Variants in PDE1C observed in about 807,000 individuals in gnomAD.
PDE1C encodes phosphodiesterase 1C, also known as dual specificity calcium/calmodulin-dependent 3',5'-cyclic nucleotide phosphodiesterase 1C.
In PDE1C, 62 loss-of-function variants were observed where a neutral mutation model predicts 93.1. That is an observed-to-expected ratio of 0.67 (90% confidence interval 0.54 to 0.82). The LOEUF (loss-of-function observed/expected upper bound fraction) is 0.82. Ranked by LOEUF, PDE1C falls within the 40% of genes least tolerant of loss-of-function variation. PDE1C has a pLI of 0.00. For synonymous variants in PDE1C, 325 were observed against 310.1 expected (o/e 1.05, Z -0.50); for missense variants, 742 against 884.6 (o/e 0.84, Z 2.04).
intron 16 of PDE1C, among the ~76,000 whole-genome samples, chr7:31,796,406 C>T (rs1321892044): frequency 2.0e-5 from 3 of 151,588 alleles, no homozygotes; most frequent in Non-Finnish European, 3.0e-5. Context: ...ATGGTAGTCA[C>T]CTGCCATCTT....
chr7:32,021,997 T>G (rs1319752978), intron 2 of PDE1C, among the ~76,000 whole-genome samples: 1 of 152,140 alleles, frequency 6.6e-6, no homozygotes, highest in Non-Finnish European at 1.5e-5. Flanking sequence ...ATCAGGAATT[T>G]TTTTTAATTC....
intron 3 of PDE1C, among the ~76,000 whole-genome samples, chr7:32,080,969 T>C (rs186773394): frequency 2.6e-4 from 40 of 152,294 alleles, no homozygotes; most frequent in Admixed American, 6.5e-4. Context: ...CTGGCTTCTA[T>C]GAGCAGGGAG....
At chr7:31,755,008 G>A (rs1034480747) in intron 17 of PDE1C, among the ~76,000 whole-genome samples, 1 of 152,208 alleles carries the variant, frequency 6.6e-6, no homozygotes, top group Non-Finnish European at 1.5e-5. Context: ...GGACAAGACG[G>A]TCATCGAAGT....
chr7:31,832,628 A>C (rs1013527152), intron 11 of PDE1C, among the ~76,000 whole-genome samples: 1 of 152,230 alleles, frequency 6.6e-6, no homozygotes, highest in Non-Finnish European at 1.5e-5. Context: ...TACTTACTAT[A>C]GCTTATGGCA....
At chr7:32,168,952 C>T (rs1471173708) in intron 3 of PDE1C, among the ~76,000 whole-genome samples, 1 of 152,070 alleles carries the variant, frequency 6.6e-6, no homozygotes, top group Admixed American at 6.6e-5. Context: ...ATATGTTCTG[C>T]TAACCATGTG....
In PDE1C at chr7:31,753,369, C is replaced by T. The variant is rs1172300442; in HGVS notation, c.*15G>A. ...AGGTAGACCCTCCTTCACTCCCTCT[C>T]TTCTTCCCCTCGGCCTATTTTCTGT... is the stretch of plus-strand genomic sequence containing the variant. On this transcript the variant is annotated 3_prime_UTR_variant, in exon 18 of 18. Coordinates refer to ENST00000396191, the MANE Select transcript of PDE1C (RefSeq NM_001191057.4). 6.2e-7 allele frequency: 1 copy of T among 1,607,986 alleles called. No homozygotes were observed. Among genetic ancestry groups the T allele is most frequent in the Admixed American group, 1.7e-5 (1 of 59,770 alleles).
the PDE1C span, among the ~76,000 whole-genome samples, chr7:31,738,646 C>T: frequency 5.9e-5 from 9 of 152,164 alleles, no homozygotes. Flanking sequence ...GCATAATTCC[C>T]ATAGCACCAA....
At chr7:32,045,056 C>G (rs1210063808) in intron 2 of PDE1C, among the ~76,000 whole-genome samples, 8 of 138,968 alleles carry the variant, frequency 5.8e-5, no homozygotes, top group Admixed American at 3.6e-4. Flanking sequence ...GCCCTGCCCC[C>G]CTCCCACCCC....
the PDE1C span, among the ~76,000 whole-genome samples, chr7:31,728,089 T>C: frequency 1.3e-5 from 2 of 152,086 alleles, no homozygotes; most frequent in Non-Finnish European, 2.9e-5. Context: ...TTAAGGTTGA[T>C]TTATAGTCAC....
rs1183184434 is a variant in PDE1C at position 32,016,435 on chromosome 7, C to A, written c.128+35119G>T. ...AAATAAGTAGAAACTTCCTAGAGAA[C>A]AATTTTTCAAAATGCATTAAAAACT... On this transcript the variant is annotated intron_variant, in intron 2 of 17. Transcript: ENST00000396191. Among the ~76,000 whole-genome samples, 4 of 152,146 alleles carry A rather than the reference C, an allele frequency of 2.6e-5. No homozygotes were observed. In the South Asian group the frequency reaches 8.3e-4, roughly 32 times the overall value.
rs538381491 is a variant in PDE1C at position 32,023,261 on chromosome 7, A to G, written c.128+28293T>C. On this transcript the variant is annotated intron_variant, in intron 2 of 17. Coordinates refer to ENST00000396191, the MANE Select transcript of PDE1C (RefSeq NM_001191057.4). ...GTGAAGGCTTTAACATACAGCTTGC[A>G]ATGGTTGAAATCTCTTATGACCCAT... Among the ~76,000 whole-genome samples, 4 of 152,252 alleles carry G rather than the reference A, an allele frequency of 2.6e-5. No individual in the cohort carries two copies. The East Asian group carries it at 7.7e-4, about 29-fold the overall frequency.
At chr7:31,686,789 T>C in the PDE1C span, 1 of 152,172 alleles carries the variant, frequency 6.6e-6, no homozygotes, top group Non-Finnish European at 1.5e-5. Context: ...TAGCAGTAGC[T>C]ACCCTTCTCT....
At chr7:31,799,468 C>T (rs1785718438) in intron 16 of PDE1C, among the ~76,000 whole-genome samples, 1 of 151,650 alleles carries the variant, frequency 6.6e-6, no homozygotes, top group African/African-American at 2.4e-5. Flanking sequence ...TCAAATAGAA[C>T]AAAAGATGCC....
intron 7 of PDE1C, among the ~76,000 whole-genome samples, chr7:31,855,046 G>T (rs997638234): frequency 7.2e-6 from 1 of 139,032 alleles, no homozygotes; most frequent in Admixed American, 7.4e-5. Flanking sequence ...CAGCCTGGGT[G>T]ACAGAGCGAG....
chr7:32,290,400 T>G (rs1370019018), intron 1 of PDE1C, among the ~76,000 whole-genome samples: 3 of 152,140 alleles, frequency 2.0e-5, no homozygotes, highest in Non-Finnish European at 4.4e-5. Flanking sequence ...CACCCTGATT[T>G]CAGAATCCCT....
At chr7:32,170,989 A>C (rs1407459285) in intron 2 of PDE1C, among the ~76,000 whole-genome samples, 2 of 152,122 alleles carry the variant, frequency 1.3e-5, no homozygotes, top group African/African-American at 4.8e-5. Context: ...CAAACTAGCC[A>C]GTCCCAACCC....
intron 2 of PDE1C, among the ~76,000 whole-genome samples, chr7:32,029,045 A>C (rs1239857918): frequency 1.3e-5 from 2 of 152,124 alleles, no homozygotes; most frequent in Non-Finnish European, 2.9e-5. Context: ...ATTCAATAGC[A>C]AAAAAACAAA....
intron 3 of PDE1C, among the ~76,000 whole-genome samples, chr7:32,080,487 G>T (rs1796598031): frequency 6.6e-6 from 1 of 152,168 alleles, no homozygotes; most frequent in Non-Finnish European, 1.5e-5. Flanking sequence ...AAGATGTGGA[G>T]CTACTCAGGG....
chr7:31,763,016 C>T (rs1424746924), intron 17 of PDE1C, among the ~76,000 whole-genome samples: 1 of 152,140 alleles, frequency 6.6e-6, no homozygotes, highest in Admixed American at 6.5e-5. Flanking sequence ...TACTGATGCC[C>T]AAGCCTTACC....
Sources: allele counts gnomAD v4.1 joint callset (sites outside exome capture counted in the v4.1 genomes callset), GRCh38; gene constraint gnomAD v4.1.1; transcripts MANE v1.5; gene names NCBI Gene and HGNC (gene_info 2026-07-23, HGNC 2026-07-21).